Variants in GMFB observed in about 807,000 individuals in gnomAD.
GMFB encodes the protein glia maturation factor beta.
GMFB carries 13 observed loss-of-function variants against 25.6 expected under a neutral mutation model. That is an observed-to-expected ratio of 0.51 (90% CI 0.33 to 0.81). The LOEUF (loss-of-function observed/expected upper bound fraction) is 0.81, where lower values mean the gene tolerates loss of function less well. GMFB is among the 30% of genes least tolerant of loss of function. The pLI, the probability that GMFB is intolerant of heterozygous loss-of-function variation, is 0.02. For synonymous variants in GMFB, 57 were observed against 56.9 expected (o/e 1.00, Z 0.00); for missense variants, 146 against 175.4 (o/e 0.83, Z 0.95).
chr14:54,478,031 C>A lies in GMFB; in HGVS notation c.*57G>T. ...TTTAGGCATAAATAAGTATTTATGT[C>A]TGATTCCAGTATGGTCAGGTTAATA... On this transcript the variant is annotated 3_prime_UTR_variant, in exon 7 of 7. Transcript: ENST00000358056. 1.4e-6 allele frequency: 1 copy of A among 724,382 alleles called. No homozygotes were observed. Among genetic ancestry groups the A allele is most frequent in the Non-Finnish European group, 2.3e-6 (1 of 442,246 alleles). 44.9% of individuals were successfully genotyped at this position (724,382 alleles called of 1,614,324 possible).
chr14:54,478,594 A>T (rs1369686680), intron 6 of GMFB: 1 of 152,462 alleles, frequency 6.6e-6, no homozygotes, highest in African/African-American at 2.4e-5. Flanking sequence ...TATCAGAGGG[A>T]GATGGAGATC....
At position 54,476,360 on chromosome 14, in the gene GMFB, C is replaced by T. The variant is rs1159435554; in HGVS notation, c.*1728G>A. The T allele has an allele frequency of 6.6e-6, 1 of 151,996 alleles. No individual in the cohort carries two copies. Among genetic ancestry groups the T allele is most frequent in the Non-Finnish European group, 1.5e-5 (1 of 67,886 alleles). 9.4% of individuals were successfully genotyped at this position (151,996 alleles called of 1,614,324 possible). A position where few individuals can be genotyped will look rare whatever the true frequency, so the allele number is the denominator to read the frequency against. ...AACAGGTGAAACAAAACCTCATTTC[C>T]TTCATTCAAAAACATTAAAAACACT... is the stretch of plus-strand genomic sequence containing the variant. On this transcript the variant is annotated 3_prime_UTR_variant, in exon 7 of 7. Transcript: ENST00000358056.
At chr14:54,479,756 C>T in intron 6 of GMFB, 30 bp downstream of exon 6, 2 of 1,322,006 alleles carry the variant, frequency 1.5e-6, no homozygotes, top group Non-Finnish European at 2.2e-6. Context: ...AAAATATTGT[C>T]TCAACAAGTC....
chr14:54,484,834 G>A (rs1333886424), intron 1 of GMFB, among the ~76,000 whole-genome samples: 2 of 152,078 alleles, frequency 1.3e-5, no homozygotes, highest in South Asian at 2.1e-4. Flanking sequence ...ATCATTCACC[G>A]TGATCAAGTG....
At position 54,483,776 on chromosome 14, in the gene GMFB, G is replaced by GA. The variant is rs369145672; in HGVS notation, c.4-10dup. 4.1e-4 allele frequency: 614 copies of GA among 1,490,700 alleles called. 2 individuals carry two copies. The African/African-American group carries it at 5.9e-3, about 14-fold the overall frequency. The allele number at this position is 1,490,700 out of a possible 1,614,324, so 92.3% of individuals were successfully genotyped here. ...ACAACCAAAGACTCACTCTATAAAAGAAAAAAAACACACATAAAATGCCAT... is the reference window on the plus strand; with the variant it reads ...ACAACCAAAGACTCACTCTATAAAAGAAAAAAAAACACACATAAAATGCCAT... On this transcript the variant is annotated splice_polypyrimidine_tract_variant and intron_variant, in intron 1 of 6. Transcript: ENST00000358056.
intron 1 of GMFB, among the ~76,000 whole-genome samples, chr14:54,487,487 G>A (rs534854573): frequency 5.9e-5 from 9 of 151,758 alleles, no homozygotes; most frequent in Non-Finnish European, 1.2e-4. Context: ...TGCAGTGAGC[G>A]GAGATCGCGC....
intron 6 of GMFB, chr14:54,478,612 A>C (rs2031671204): frequency 6.6e-6 from 1 of 152,444 alleles, no homozygotes; most frequent in Middle Eastern, 3.4e-3. Context: ...ATCAGCCACA[A>C]ATCTCCAGCA....
intron 5 of GMFB, 73 bp downstream of exon 5, chr14:54,480,801 G>T (rs2140032553): frequency 1.3e-6 from 1 of 757,642 alleles, no homozygotes; most frequent in Non-Finnish European, 2.3e-6. Flanking sequence ...AAAAACAGCA[G>T]AAAATTTGTC....
Position 54,475,593 on chromosome 14 carries a change from C to G in GMFB, c.*2495G>C, listed in dbSNP as rs2031628344. 6.6e-6 allele frequency: 1 copy of G among 152,492 alleles called. No individual in the cohort carries two copies. The highest frequency in any genetic ancestry group is 2.1e-4 in the South Asian group (1 of 4,836). The allele number at this position is 152,492 out of a possible 1,614,324, so 9.4% of individuals were successfully genotyped here. A position where few individuals can be genotyped will look rare whatever the true frequency, so the allele number is the denominator to read the frequency against. ...AGAACAAAGTGATCACTATTCAAAA[C>G]TCAGACATTTTGGAATTTCAGCATA... is the stretch of plus-strand genomic sequence containing the variant. On this transcript the variant is annotated 3_prime_UTR_variant, in exon 7 of 7. Coordinates refer to ENST00000358056, the MANE Select transcript of GMFB (RefSeq NM_004124.3).
At chr14:54,484,830 C>T (rs1436708551) in intron 1 of GMFB, among the ~76,000 whole-genome samples, 1 of 152,134 alleles carries the variant, frequency 6.6e-6, no homozygotes, top group Non-Finnish European at 1.5e-5. Context: ...AAAGATCATT[C>T]ACCGTGATCA....
intron 6 of GMFB, chr14:54,479,085 G>C (rs1432087533): frequency 6.6e-6 from 1 of 152,074 alleles, no homozygotes; most frequent in Non-Finnish European, 1.5e-5. Flanking sequence ...TTCCAGAGTT[G>C]ATTATTAAGC....
At chr14:54,482,634 A>G (rs1307213249) in intron 2 of GMFB, among the ~76,000 whole-genome samples, 5 of 152,344 alleles carry the variant, frequency 3.3e-5, no homozygotes, top group Middle Eastern at 3.4e-3. Context: ...GGCTTCTCCA[A>G]GGTCAGGATT....
Position 54,478,212 on chromosome 14 carries a change from C to A in GMFB, c.358-53G>T. The stretch of plus-strand genomic sequence containing the variant: ...TACTTTGACACTCCAAAAAAAAAGT[C>A]AAATATTTGAATTTTTTAAAATATA... On this transcript the variant is annotated intron_variant, in intron 6 of 6. Coordinates refer to ENST00000358056, the MANE Select transcript of GMFB (RefSeq NM_004124.3). The A allele has an allele frequency of 4.9e-6, 3 of 612,248 alleles. No homozygotes were observed. In the South Asian group the frequency reaches 9.2e-5, roughly 19 times the overall value. 37.9% of individuals were successfully genotyped at this position (612,248 alleles called of 1,614,324 possible).
intron 1 of GMFB, chr14:54,484,119 G>T: frequency 3.1e-6 from 1 of 327,458 alleles, no homozygotes; most frequent in South Asian, 2.7e-5. Flanking sequence ...TGTTAGAAAG[G>T]GAGTCAAGCA....
chr14:54,480,069 G>A (rs979919664), intron 5 of GMFB: 4 of 428,254 alleles, frequency 9.3e-6, no homozygotes, highest in African/African-American at 6.2e-5. Flanking sequence ...AAGTCTACAG[G>A]TTGGCAAAAA....
intron 6 of GMFB, chr14:54,479,230 G>A (rs1022589644): frequency 6.6e-6 from 1 of 152,014 alleles, no homozygotes; most frequent in African/African-American, 2.4e-5. Context: ...ACTAATATGT[G>A]GAAGTTAAAT....
At chr14:54,479,268 C>A (rs2031679744) in intron 6 of GMFB, 1 of 152,080 alleles carries the variant, frequency 6.6e-6, no homozygotes, top group Non-Finnish European at 1.5e-5. Context: ...TACCTCTTAC[C>A]TTTAACTTTC....
chr14:54,481,004 T>C (rs779207592), intron 4 of GMFB, 48 bp from the exon 5 acceptor site: 44 of 864,488 alleles, frequency 5.1e-5, no homozygotes, highest in African/African-American at 1.0e-4. Flanking sequence ...CAGACAGGTA[T>C]TTACCAACAC....
rs1437718169 is a variant in GMFB, at chr14:54,477,461, G to A, written c.*627C>T. 1 of 152,266 alleles carries A rather than the reference G, an allele frequency of 6.6e-6. No homozygotes were observed. The highest frequency in any genetic ancestry group is 1.9e-4 in the East Asian group (1 of 5,196). The allele number at this position is 152,266 out of a possible 1,614,324, so 9.4% of individuals were successfully genotyped here. On this transcript the variant is annotated 3_prime_UTR_variant, in exon 7 of 7. Coordinates refer to ENST00000358056, the MANE Select transcript of GMFB (RefSeq NM_004124.3). ...TTCTAAGACTAAGATGCTATAAGGA[G>A]AAAAGCTAACAGTCATAATTCTATC...
Sources: gnomAD v4.1 joint callset for allele counts (sites outside exome capture counted in the v4.1 genomes callset) on GRCh38, gnomAD v4.1.1 for gene constraint, MANE v1.5 for transcripts, NCBI Gene and HGNC (gene_info 2026-07-23, HGNC 2026-07-21) for gene names.